Variants in DNAJB12 observed in about 807,000 individuals in gnomAD.
The protein encoded by DNAJB12 is dnaJ homolog subfamily B member 12.
A neutral mutation model predicts 40.6 loss-of-function variants in DNAJB12; 14 were observed. The ratio of observed to expected loss-of-function variants is 0.34; its 90% CI spans 0.23 to 0.54. The LOEUF (loss-of-function observed/expected upper bound fraction) is 0.54. Among genes scored for constraint, DNAJB12 ranks in the 20% least tolerant of loss-of-function variants. The probability of loss-of-function intolerance (pLI) is 0.92; values close to 1 mark genes in which losing one functional copy is unlikely to be tolerated. For missense variants in DNAJB12, 444 were observed against 501.7 expected (o/e 0.89, Z 1.10); for synonymous variants, 181 against 199.5 (o/e 0.91, Z 0.78).
At chr10:72,351,928 G>A (rs1861945758) in intron 1 of DNAJB12, among the ~76,000 whole-genome samples, 1 of 152,150 alleles carries the variant, frequency 6.6e-6, no homozygotes, top group African/African-American at 2.4e-5. Flanking sequence ...CTGGTCACAG[G>A]GGCTTCAATT....
intron 1 of DNAJB12, among the ~76,000 whole-genome samples, chr10:72,348,393 A>G (rs1015644633): frequency 2.0e-5 from 3 of 152,232 alleles, no homozygotes; most frequent in Non-Finnish European, 2.9e-5. Context: ...TGACAAGCTG[A>G]CCAGCTGGGA....
In DNAJB12 at chr10:72,343,488, T is replaced by C. The variant is rs755146457; in HGVS notation, c.335A>G (p.Tyr112Cys). Reference protein sequence around the residue: ...VKRVKQCKDYYEILGVSRGAS... With the variant: ...VKRVKQCKDYCEILGVSRGAS... ...CCCTCTGCTCACCCCCAGGATCTCA[T>C]AGTAATCTTTACATTGCTTGACCCT... Residue 112 changes from tyrosine to cysteine, a missense_variant, in exon 3 of 9, where the codon TAT becomes TGT. By Grantham distance (194) the Tyr-to-Cys change is radical. Transcript: ENST00000444643. 14 of 1,614,050 alleles carry C rather than the reference T, an allele frequency of 8.7e-6. No individual in the cohort carries two copies. Among genetic ancestry groups the C allele is most frequent in the Admixed American group, 5.0e-5 (3 of 60,006 alleles).
At chr10:72,347,592 C>T (rs1045838378) in intron 1 of DNAJB12, among the ~76,000 whole-genome samples, 2 of 152,260 alleles carry the variant, frequency 1.3e-5, no homozygotes, top group African/African-American at 4.8e-5. Flanking sequence ...AGGACATTAA[C>T]TATCACCCTC....
chr10:72,349,547 T>C (rs1861882956), intron 1 of DNAJB12, among the ~76,000 whole-genome samples: 1 of 152,248 alleles, frequency 6.6e-6, no homozygotes, highest in South Asian at 2.1e-4. Context: ...TGCTGTTTCC[T>C]AGAGCTTTTC....
At chr10:72,344,231 T>G (rs990777284) in intron 2 of DNAJB12, among the ~76,000 whole-genome samples, 1 of 152,250 alleles carries the variant, frequency 6.6e-6, no homozygotes, top group Non-Finnish European at 1.5e-5. Flanking sequence ...TACATCAGTT[T>G]CTATTGCCTA....
chr10:72,342,611 C>T (rs1037866724), intron 3 of DNAJB12, among the ~76,000 whole-genome samples: 1 of 152,190 alleles, frequency 6.6e-6, no homozygotes, highest in Non-Finnish European at 1.5e-5. Context: ...CAGCACAGCA[C>T]ACACCCCGCC....
intron 1 of DNAJB12, among the ~76,000 whole-genome samples, chr10:72,353,082 A>G (rs1436432764): frequency 6.6e-6 from 1 of 152,254 alleles, no homozygotes; most frequent in Non-Finnish European, 1.5e-5. Context: ...CAAATATGAC[A>G]AATATGCATG....
chr10:72,354,607 G>GA (rs1348943930), intron 1 of DNAJB12, among the ~76,000 whole-genome samples, 158 bp downstream of exon 1: 1 of 152,244 alleles, frequency 6.6e-6, no homozygotes, highest in Non-Finnish European at 1.5e-5. Flanking sequence ...GAACAAGAGG[G>GA]AAAAACTACG....
In DNAJB12 at chr10:72,343,362, T is replaced by C; in HGVS notation, c.457+4A>G. 6.2e-7 allele frequency: 1 copy of C among 1,612,576 alleles called. No homozygotes were observed. On this transcript the variant is annotated splice_donor_region_variant and intron_variant, in intron 3 of 8. Transcript: ENST00000444643. ...AAAATGCTAGGAAAGCAGGGCTGGC[T>C]TACCTTTGAAGGCTTCAGTGGCACC...
In DNAJB12 at chr10:72,354,430, G is replaced by GGTGGTC; in HGVS notation, c.133+334_133+335insGACCAC. ...CGGCGACTGGCCTGGGCTACCGAAC[G>GGTGGTC]GCCCCTTGGGAAAAGTAGTTCGAGT... On this transcript the variant is annotated intron_variant, in intron 1 of 8. Coordinates refer to ENST00000444643, the MANE Select transcript of DNAJB12 (RefSeq NM_017626.7). The GGTGGTC allele has an allele frequency of 2.1e-5, 6 of 287,590 alleles. No individual in the cohort carries two copies. The South Asian group carries it at 2.4e-4, about 11-fold the overall frequency. The allele number at this position is 287,590 out of a possible 1,614,324, so 17.8% of individuals were successfully genotyped here. A position where few individuals can be genotyped will look rare whatever the true frequency, so the allele number is the denominator to read the frequency against.
chr10:72,337,475 A>C (rs1488752289), intron 6 of DNAJB12, among the ~76,000 whole-genome samples: 1 of 152,168 alleles, frequency 6.6e-6, no homozygotes, highest in Non-Finnish European at 1.5e-5. Context: ...AGGGGAGCTG[A>C]CCCCCTAACG....
chr10:72,343,591 G>A (rs377612402), intron 2 of DNAJB12, 80 bp from the exon 3 acceptor site: 9 of 1,503,716 alleles, frequency 6.0e-6, no homozygotes, highest in South Asian at 2.4e-5. Context: ...CGTGTGGGGC[G>A]CACAGCTCTG....
At chr10:72,338,141 A>G in intron 6 of DNAJB12, 61 bp downstream of exon 6, 1 of 1,440,482 alleles carries the variant, frequency 6.9e-7, no homozygotes, top group South Asian at 1.1e-5. Flanking sequence ...AAGGCCCCTG[A>G]TGGGGCTGAG....
intron 1 of DNAJB12, among the ~76,000 whole-genome samples, chr10:72,350,963 G>A (rs781575294): frequency 2.6e-5 from 4 of 152,106 alleles, no homozygotes; most frequent in Non-Finnish European, 4.4e-5. Flanking sequence ...TCAGCAATCC[G>A]TCTCCTTTTC....
chr10:72,345,001 C>G lies in DNAJB12; in HGVS notation c.260G>C (p.Gly87Ala). 6.2e-7 allele frequency: 1 copy of G among 1,614,230 alleles called. No individual in the cohort carries two copies. Among genetic ancestry groups the G allele is most frequent in the Non-Finnish European group, 8.5e-7 (1 of 1,180,040 alleles). ...TDAPSANGEA[G>A]GESTKGYTAE... ...AGTGTAGCCTTTGGTGCTCTCTCCT[C>G]CAGCTTCACCGTTGGCCGAGGGGGC... Residue 87 changes from glycine to alanine, a missense_variant, in exon 2 of 9, where the codon GGA becomes GCA. By Grantham distance (60) the Gly-to-Ala change is moderately conservative. Transcript: ENST00000444643.
In DNAJB12 at chr10:72,335,774, T is replaced by C; in HGVS notation, c.*30+6A>G. ...GTTGCAGGGTGGAGGCAGCCCTGGC[T>C]CATACTTGGACCTCGGTGGTGTGGC... On this transcript the variant is annotated splice_donor_region_variant and intron_variant, in intron 8 of 8. Coordinates refer to ENST00000444643, the MANE Select transcript of DNAJB12 (RefSeq NM_017626.7). The surrounding 1 kb of genome is among the most constrained non-coding windows in gnomAD (Gnocchi z 4.4). 1 of 1,612,156 alleles carries C rather than the reference T, an allele frequency of 6.2e-7. No homozygotes were observed. Among genetic ancestry groups the C allele is most frequent in the Non-Finnish European group, 8.5e-7 (1 of 1,178,898 alleles).
At position 72,334,511 on chromosome 10, in the gene DNAJB12, C is replaced by T. The variant is rs530523217; in HGVS notation, c.*137G>A. Reference sequence around the variant, plus strand: ...AGAGGGCAGCTGTGCAGCGTTCGGCCTCCAATTCCATTTTAATTTTGTTTC... The same window carrying T: ...AGAGGGCAGCTGTGCAGCGTTCGGCTTCCAATTCCATTTTAATTTTGTTTC... On this transcript the variant is annotated 3_prime_UTR_variant, in exon 9 of 9. Transcript: ENST00000444643. 1.1e-5 allele frequency: 16 copies of T among 1,499,698 alleles called. No individual in the cohort carries two copies. The highest frequency in any genetic ancestry group is 9.7e-5 in the African/African-American group (7 of 72,400). 92.9% of individuals were successfully genotyped at this position (1,499,698 alleles called of 1,614,324 possible).
chr10:72,342,912 G>C (rs1046405786), intron 3 of DNAJB12, among the ~76,000 whole-genome samples: 4 of 152,218 alleles, frequency 2.6e-5, no homozygotes, highest in African/African-American at 9.7e-5. Context: ...TAGGTATGGC[G>C]GGGGAGCTGG....
chr10:72,336,504 C>G lies in DNAJB12; in HGVS notation c.1006+20G>C, dbSNP rs372684350. The G allele has an allele frequency of 2.5e-6, 4 of 1,609,986 alleles. No homozygotes were observed. In the South Asian group the frequency reaches 3.3e-5, roughly 13 times the overall value. ...CAAGCCACCTCCCAAATACAGCCCCCGCCTTCCCCCCACACTCACTCTGCT... is the reference window on the plus strand; with the variant it reads ...CAAGCCACCTCCCAAATACAGCCCCGGCCTTCCCCCCACACTCACTCTGCT... On this transcript the variant is annotated intron_variant, in intron 7 of 8. Transcript: ENST00000444643.
Sources: gnomAD v4.1 joint callset for allele counts (sites outside exome capture counted in the v4.1 genomes callset) on GRCh38, gnomAD v4.1.1 for gene constraint, Gnocchi (gnomAD v3.1) non-coding constraint, MANE v1.5 for transcripts, NCBI Gene and HGNC (gene_info 2026-07-23, HGNC 2026-07-21) for gene names.